Variants in HS3ST4 observed in about 807,000 individuals in gnomAD.
The protein encoded by HS3ST4 is heparan sulfate glucosamine 3-O-sulfotransferase 4.
Under a neutral mutation model 29.2 loss-of-function variants are expected in HS3ST4, and 17 were observed. The ratio of observed to expected loss-of-function variants is 0.58; its 90% CI spans 0.40 to 0.87. HS3ST4 has a LOEUF of 0.87. HS3ST4 is among the 40% of genes least tolerant of loss of function. The pLI, the probability that HS3ST4 is intolerant of heterozygous loss-of-function variation, is 0.00. For missense variants in HS3ST4, 627 were observed against 634.5 expected, an observed-to-expected ratio of 0.99 and a Z score of 0.13; for synonymous variants, 314 against 285.7, an observed-to-expected ratio of 1.10 and a Z score of -1.00.
chr16:25,767,267 T>C (rs1966826448), intron 1 of HS3ST4, among the ~76,000 whole-genome samples: 1 of 152,342 alleles, frequency 6.6e-6, no homozygotes, highest in South Asian at 2.1e-4. Context: ...CCCCTCACTC[T>C]GGGGTTTTAT....
intron 1 of HS3ST4, among the ~76,000 whole-genome samples, chr16:25,811,544 C>T (rs1596578067): frequency 1.3e-5 from 2 of 150,314 alleles, no homozygotes; most frequent in African/African-American, 4.9e-5. Flanking sequence ...AGTGATTCTC[C>T]TGCCTCAGCC....
At chr16:25,762,876 C>CAA (rs67260535) in intron 1 of HS3ST4, among the ~76,000 whole-genome samples, 35,961 of 60,468 alleles carry the variant, frequency 0.59, 11,892 homozygotes, top group Non-Finnish European at 0.73. Flanking sequence ...GACCCTGTCT[C>CAA]AAAAAAAAAA....
intron 1 of HS3ST4, among the ~76,000 whole-genome samples, chr16:25,842,748 G>A (rs1967428363): frequency 6.6e-6 from 1 of 152,272 alleles, no homozygotes; most frequent in South Asian, 2.1e-4. Flanking sequence ...TGATCCTATA[G>A]ACACTCTGTC....
chr16:26,091,182 A>T (rs1001729682), intron 1 of HS3ST4, among the ~76,000 whole-genome samples: 1 of 152,154 alleles, frequency 6.6e-6, no homozygotes, highest in Admixed American at 6.5e-5. Context: ...TAATGAACCG[A>T]TCCCTAATAA....
chr16:25,770,507 G>T (rs1353222637), intron 1 of HS3ST4, among the ~76,000 whole-genome samples: 2 of 152,172 alleles, frequency 1.3e-5, no homozygotes, highest in South Asian at 4.1e-4. Flanking sequence ...AAGGGATGGT[G>T]CCTGAACTTG....
At chr16:25,772,605 C>G in intron 1 of HS3ST4, among the ~76,000 whole-genome samples, 1 of 152,122 alleles carries the variant, frequency 6.6e-6, no homozygotes, top group Admixed American at 6.5e-5. Flanking sequence ...GGCTTTTATT[C>G]AGAACCTCAG....
chr16:25,783,238 C>G (rs1205429277), intron 1 of HS3ST4, among the ~76,000 whole-genome samples: 1 of 152,070 alleles, frequency 6.6e-6, no homozygotes, highest in African/African-American at 2.4e-5. Flanking sequence ...ATCACTTTAA[C>G]CATTGCTTTT....
intron 1 of HS3ST4, among the ~76,000 whole-genome samples, chr16:25,868,824 G>T (rs954439023): frequency 6.6e-6 from 1 of 152,128 alleles, no homozygotes; most frequent in East Asian, 1.9e-4. Flanking sequence ...TAATAAACAC[G>T]GCATCTTCTC....
At chr16:25,964,656 C>A (rs1211257316) in intron 1 of HS3ST4, among the ~76,000 whole-genome samples, 1 of 152,194 alleles carries the variant, frequency 6.6e-6, no homozygotes, top group Non-Finnish European at 1.5e-5. Context: ...CCTTTACGCT[C>A]AGTCCCTGTG....
intron 1 of HS3ST4, among the ~76,000 whole-genome samples, chr16:25,952,315 AGTGACTGTTCAG>A (rs1478180939): frequency 2.6e-5 from 4 of 152,208 alleles, no homozygotes; most frequent in African/African-American, 9.6e-5. Flanking sequence ...GCCTCAAAAC[AGTGACTGTTCAG>A]TTGGCTTCCT....
intron 1 of HS3ST4, among the ~76,000 whole-genome samples, chr16:26,090,687 T>G (rs1335727317): frequency 1.3e-5 from 2 of 152,090 alleles, no homozygotes; most frequent in Non-Finnish European, 2.9e-5. Flanking sequence ...GGGCATGCGA[T>G]CATAGATAGT....
chr16:25,943,561 A>T (rs567520347), intron 1 of HS3ST4, among the ~76,000 whole-genome samples: 1 of 149,224 alleles, frequency 6.7e-6, no homozygotes, highest in African/African-American at 2.5e-5. Flanking sequence ...ACTTATGTTT[A>T]AAAAAAAATA....
At chr16:25,934,878 C>G (rs143059437) in intron 1 of HS3ST4, among the ~76,000 whole-genome samples, 79 of 152,264 alleles carry the variant, frequency 5.2e-4, no homozygotes, top group African/African-American at 1.9e-3. Context: ...CCCGCAACCA[C>G]GCATAGCCTC....
intron 1 of HS3ST4, among the ~76,000 whole-genome samples, chr16:25,803,283 A>G (rs1211953339): frequency 2.0e-5 from 3 of 152,128 alleles, no homozygotes; most frequent in African/African-American, 2.4e-5. Context: ...CACATTCCCT[A>G]TAATTTCCGG....
At chr16:25,812,000 C>T (rs2141628825) in intron 1 of HS3ST4, among the ~76,000 whole-genome samples, 1 of 152,192 alleles carries the variant, frequency 6.6e-6, no homozygotes, top group East Asian at 1.9e-4. Context: ...TGATTTTGTT[C>T]TTTTTTTAGT....
Position 25,902,322 on chromosome 16 carries a change from C to T in HS3ST4, c.734+209171C>T, listed in dbSNP as rs577817428. Among the ~76,000 whole-genome samples, 54 of 151,932 alleles carry T rather than the reference C, an allele frequency of 3.6e-4. 1 individual carries two copies. The highest frequency in any genetic ancestry group is 2.7e-3 in the Admixed American group (41 of 15,262). On this transcript the variant is annotated intron_variant, in intron 1 of 1. Coordinates refer to ENST00000331351, the MANE Select transcript of HS3ST4 (RefSeq NM_006040.3). ...GCTTGAGCCCAGGTGTTTGAGACCC[C>T]GTCTCTACCAAAAAATTGAAAAAAT...
intron 1 of HS3ST4, among the ~76,000 whole-genome samples, chr16:26,006,666 G>A (rs1969261886): frequency 6.6e-6 from 1 of 152,228 alleles, no homozygotes; most frequent in Non-Finnish European, 1.5e-5. Flanking sequence ...TTGGTGGTCA[G>A]AAGTGCAAAA....
chr16:25,903,273 C>CGTGTGT (rs71385584), intron 1 of HS3ST4, among the ~76,000 whole-genome samples: 12 of 58,392 alleles, frequency 2.1e-4, no homozygotes, highest in African/African-American at 6.1e-4. Flanking sequence ...GAAGAATATA[C>CGTGTGT]GTGTGTGTGT....
chr16:26,015,715 C>T (rs945477276), intron 1 of HS3ST4, among the ~76,000 whole-genome samples: 5 of 152,182 alleles, frequency 3.3e-5, no homozygotes, highest in African/African-American at 1.2e-4. Context: ...GGTCCAAGCA[C>T]AAATTCCTAT....
Sources: gnomAD v4.1 joint callset for allele counts (sites outside exome capture counted in the v4.1 genomes callset) on GRCh38, gnomAD v4.1.1 for gene constraint, MANE v1.5 for transcripts, NCBI Gene and HGNC (gene_info 2026-07-23, HGNC 2026-07-21) for gene names.